Variants in WDR48 observed in about 807,000 individuals in gnomAD.
WDR48 encodes WD repeat domain 48, also known as WD repeat-containing protein 48.
A neutral mutation model predicts 94.0 loss-of-function variants in WDR48; 22 were observed. The ratio of observed to expected loss-of-function variants is 0.23; its 90% CI spans 0.17 to 0.33. The LOEUF (loss-of-function observed/expected upper bound fraction) is 0.33, where lower values mean the gene tolerates loss of function less well. Among genes scored for constraint, WDR48 ranks in the 10% least tolerant of loss-of-function variants. The probability of loss-of-function intolerance (pLI) is 1.00; values close to 1 mark genes in which losing one functional copy is unlikely to be tolerated. For missense variants in WDR48, 541 were observed against 813.8 expected (o/e 0.66, Z 4.08); for synonymous variants, 278 against 280.5 (o/e 0.99, Z 0.09).
In WDR48 at chr3:39,095,047, G is replaced by C. The variant is rs2035274581; in HGVS notation, c.*304G>C. On this transcript the variant is annotated 3_prime_UTR_variant, in exon 19 of 19. Transcript: ENST00000302313. ...AGTGCAGACTTTGCTTCCTCCTTTT[G>C]TTTCAAAGGACCTTATCTACCCATT... 2.6e-6 allele frequency: 1 copy of C among 391,946 alleles called. No homozygotes were observed. The highest frequency in any genetic ancestry group is 4.6e-6 in the Non-Finnish European group (1 of 217,362). The allele number at this position is 391,946 out of a possible 1,614,324, so 24.3% of individuals were successfully genotyped here.
At chr3:39,088,549 A>G (rs566616504) in intron 15 of WDR48, among the ~76,000 whole-genome samples, 2 of 152,288 alleles carry the variant, frequency 1.3e-5, no homozygotes, top group Non-Finnish European at 2.9e-5. Context: ...CAAGCAACAG[A>G]TGATACCACT....
At chr3:39,066,095 C>A (rs1190924430) in intron 3 of WDR48, among the ~76,000 whole-genome samples, 2 of 152,184 alleles carry the variant, frequency 1.3e-5, no homozygotes, top group Non-Finnish European at 2.9e-5. Context: ...CAGTTATTCC[C>A]TCTTGCCCCA....
At chr3:39,060,418 G>GTATA (rs2033179599) in intron 1 of WDR48, among the ~76,000 whole-genome samples, 1 of 124,622 alleles carries the variant, frequency 8.0e-6, no homozygotes, top group Non-Finnish European at 1.6e-5. Flanking sequence ...GTGTGTGTGT[G>GTATA]CATATATATA....
chr3:39,084,877 A>ACATTTGT (rs1165336559), intron 13 of WDR48, 136 bp downstream of exon 13: 9 of 628,992 alleles, frequency 1.4e-5, no homozygotes, highest in Middle Eastern at 2.6e-4. Flanking sequence ...GGTATGTACA[A>ACATTTGT]ATACCTAATG....
At chr3:39,064,876 A>G (rs576767364) in intron 2 of WDR48, among the ~76,000 whole-genome samples, 363 of 152,332 alleles carry the variant, frequency 2.4e-3, no homozygotes, top group South Asian at 0.014. Context: ...TGGCTTTGAA[A>G]TGCTTTTTGG....
chr3:39,063,603 TA>T (rs1019346316), intron 2 of WDR48, among the ~76,000 whole-genome samples: 1 of 152,174 alleles, frequency 6.6e-6, no homozygotes, highest in Non-Finnish European at 1.5e-5. Context: ...TTTCCTCACT[TA>T]AAAGTAATTA....
In WDR48 at chr3:39,066,646, T is replaced by C. The variant is rs1559604206; in HGVS notation, c.351+16T>C. On this transcript the variant is annotated intron_variant, in intron 4 of 18. Coordinates refer to ENST00000302313, the MANE Select transcript of WDR48 (RefSeq NM_020839.4). The stretch of plus-strand genomic sequence containing the variant: ...GACACATAAGGTAAAACAATACAGT[T>C]CTCAGTGTCTTTAGTGTAATATTGG... 1 of 1,613,412 alleles carries C rather than the reference T, an allele frequency of 6.2e-7. No homozygotes were observed. The highest frequency in any genetic ancestry group is 8.5e-7 in the Non-Finnish European group (1 of 1,179,632).
chr3:39,083,660 C>T (rs944822755), intron 11 of WDR48, among the ~76,000 whole-genome samples: 9 of 152,122 alleles, frequency 5.9e-5, no homozygotes, highest in Non-Finnish European at 1.0e-4. Context: ...GACCCCAGGG[C>T]TCAAGTCTCC....
Position 39,091,607 on chromosome 3 carries a change from T to A in WDR48, c.1669-18T>A. 1.3e-6 allele frequency: 2 copies of A among 1,585,326 alleles called. No homozygotes were observed. The highest frequency in any genetic ancestry group is 1.7e-6 in the Non-Finnish European group (2 of 1,164,534). On this transcript the variant is annotated intron_variant, in intron 16 of 18. Transcript: ENST00000302313. The stretch of plus-strand genomic sequence containing the variant: ...ACTAATAGAAACTGTTATACCTTTT[T>A]AACTTTTACTGTTTCAGAAAAATAT...
At chr3:39,059,191 ACCTTTCT>A (rs985951864) in intron 1 of WDR48, among the ~76,000 whole-genome samples, 9 of 152,192 alleles carry the variant, frequency 5.9e-5, no homozygotes, top group Admixed American at 3.9e-4. Context: ...TTCCAAGGAG[ACCTTTCT>A]CCTAAGATCT....
intron 1 of WDR48, among the ~76,000 whole-genome samples, chr3:39,056,348 C>T (rs1224876176): frequency 6.6e-6 from 1 of 152,134 alleles, no homozygotes; most frequent in African/African-American, 2.4e-5. Context: ...CAGTATCTGA[C>T]TCATTTGAGT....
At chr3:39,069,778 C>A (rs755433584) in intron 7 of WDR48, 34 bp downstream of exon 7, 19 of 1,574,394 alleles carry the variant, frequency 1.2e-5, no homozygotes, top group South Asian at 9.1e-5. Context: ...TACCTAATAA[C>A]CTTGTTAGAA....
intron 7 of WDR48, among the ~76,000 whole-genome samples, chr3:39,070,319 T>C (rs1318485847): frequency 6.6e-6 from 1 of 152,194 alleles, no homozygotes; most frequent in Non-Finnish European, 1.5e-5. Context: ...AAACAAAAAC[T>C]GAGCATCATT....
At chr3:39,072,172 A>C (rs1385391913) in intron 7 of WDR48, among the ~76,000 whole-genome samples, 1 of 152,240 alleles carries the variant, frequency 6.6e-6, no homozygotes, top group African/African-American at 2.4e-5. Context: ...ATTCTTATTT[A>C]CCAAATTTAT....
intron 17 of WDR48, among the ~76,000 whole-genome samples, chr3:39,092,758 T>C (rs1880498): frequency 0.11 from 16,604 of 152,070 alleles, 2,986 homozygotes; most frequent in African/African-American, 0.37. Flanking sequence ...TCCAAACTTA[T>C]ATAGAAAGAA....
At chr3:39,059,872 G>C (rs182881240) in intron 1 of WDR48, among the ~76,000 whole-genome samples, 2 of 152,076 alleles carry the variant, frequency 1.3e-5, no homozygotes, top group Non-Finnish European at 1.5e-5. Flanking sequence ...TATTAATTTT[G>C]TCTTTGATTA....
intron 11 of WDR48, among the ~76,000 whole-genome samples, chr3:39,083,110 TC>T (rs762046783): frequency 1.2e-4 from 19 of 152,150 alleles, no homozygotes; most frequent in Non-Finnish European, 1.3e-4. Context: ...GTGACTAACA[TC>T]ATGGATTTAA....
At chr3:39,094,223 T>C (rs899581389) in intron 18 of WDR48, 157 bp downstream of exon 18, 2 of 1,447,162 alleles carry the variant, frequency 1.4e-6, no homozygotes, top group African/African-American at 2.9e-5. Flanking sequence ...TCTTTACTGC[T>C]GGGGAGATTT....
intron 1 of WDR48, among the ~76,000 whole-genome samples, chr3:39,057,736 C>T (rs1196446605): frequency 6.6e-6 from 1 of 152,170 alleles, no homozygotes; most frequent in Non-Finnish European, 1.5e-5. Context: ...GATTCTCCTG[C>T]CTCAGCCTCC....
Sources: allele counts gnomAD v4.1 joint callset (sites outside exome capture counted in the v4.1 genomes callset), GRCh38; gene constraint gnomAD v4.1.1; transcripts MANE v1.5; gene names NCBI Gene and HGNC (gene_info 2026-07-23, HGNC 2026-07-21).